The following DRC7 variants were observed in gnomAD, a reference collection of about 807,000 sequenced individuals.
The protein encoded by DRC7 is dynein regulatory complex subunit 7.
DRC7 carries 80 observed loss-of-function variants against 104.4 expected under a neutral mutation model. The ratio of observed to expected loss-of-function variants is 0.77; its 90% CI spans 0.64 to 0.92. DRC7 has a LOEUF of 0.92. Among genes scored for constraint, DRC7 ranks in the 40% least tolerant of loss-of-function variants. The probability of loss-of-function intolerance (pLI) is 0.00; values close to 1 mark genes in which losing one functional copy is unlikely to be tolerated. For synonymous variants in DRC7, 405 were observed against 447.3 expected (o/e 0.91, Z 1.19); for missense variants, 1,034 against 1,141.1 (o/e 0.91, Z 1.35).
Position 57,726,266 on chromosome 16 carries a change from A to T in DRC7, c.1957A>T (p.Met653Leu). ...KGNKIIMTPD[M>L]CISFEVEPME... Reference sequence around the variant, plus strand: ...CAACAAGATCATCATGACGCCCGACATGTGCATCAGCTTCGAGGTGGGCCT... The same window carrying T: ...CAACAAGATCATCATGACGCCCGACTTGTGCATCAGCTTCGAGGTGGGCCT... The change falls in exon 14 of 19, where the codon ATG becomes TTG. Residue 653 changes from methionine to leucine, a missense_variant. Met to Leu is a conservative substitution (Grantham distance 15, BLOSUM62 2). Coordinates refer to ENST00000360716, the MANE Select transcript of DRC7 (RefSeq NM_001289162.2). 1 of 1,611,854 alleles carries T rather than the reference A, an allele frequency of 6.2e-7. No individual in the cohort carries two copies. Among genetic ancestry groups the T allele is most frequent in the Non-Finnish European group, 8.5e-7 (1 of 1,178,990 alleles).
At chr16:57,714,797 G>T in intron 8 of DRC7, 1 of 393,996 alleles carries the variant, frequency 2.5e-6, no homozygotes, top group South Asian at 2.1e-5. Flanking sequence ...AACAGCCATG[G>T]GCTTGCTGGT....
In DRC7 at chr16:57,725,468, T is replaced by A. The variant is rs143491434; in HGVS notation, c.1759-600T>A. The A allele has an allele frequency of 8.5e-3, 1,320 of 156,010 alleles. 29 individuals carry two copies. Among genetic ancestry groups the A allele is most frequent in the African/African-American group, 0.03 (1,228 of 41,572 alleles). 9.7% of individuals were successfully genotyped at this position (156,010 alleles called of 1,614,324 possible). ...GTGCCCTCAGCCATGGGGCCAAGGATGTGTTACTTCCTTATTGTTATACAA... is the reference window on the plus strand; with the variant it reads ...GTGCCCTCAGCCATGGGGCCAAGGAAGTGTTACTTCCTTATTGTTATACAA... On this transcript the variant is annotated intron_variant, in intron 13 of 18. Transcript: ENST00000360716.
chr16:57,718,305 G>A (rs754503347), intron 8 of DRC7, 42 bp from the exon 9 acceptor site: 6 of 1,604,868 alleles, frequency 3.7e-6, no homozygotes, highest in East Asian at 4.5e-5. Context: ...GGGACGTGGT[G>A]GCTGTGGGGT....
In DRC7 at chr16:57,730,907, T is replaced by C. The variant is rs1195256909; in HGVS notation, c.2392-24T>C. 3.1e-6 allele frequency: 5 copies of C among 1,611,508 alleles called. No individual in the cohort carries two copies. In the Admixed American group the frequency reaches 8.4e-5, roughly 27 times the overall value. On this transcript the variant is annotated intron_variant, in intron 17 of 18. Coordinates refer to ENST00000360716, the MANE Select transcript of DRC7 (RefSeq NM_001289162.2). ...GAAGGTCAGCCTTGTCAGTCCTCCT[T>C]CTCTGTCTGCCCTATGACCACAGGA...
intron 2 of DRC7, among the ~76,000 whole-genome samples, chr16:57,697,630 G>A (rs942804414): frequency 3.3e-5 from 5 of 152,120 alleles, no homozygotes; most frequent in Admixed American, 3.3e-4. Flanking sequence ...AAATCGACAC[G>A]TGCCTTTCCC....
intron 8 of DRC7, among the ~76,000 whole-genome samples, chr16:57,713,213 G>A (rs1447619612): frequency 6.6e-6 from 1 of 152,234 alleles, no homozygotes; most frequent in Non-Finnish European, 1.5e-5. Flanking sequence ...GTATTTTGCT[G>A]TTGGGTGGAA....
chr16:57,717,143 G>A (rs2048851362), intron 8 of DRC7, among the ~76,000 whole-genome samples: 2 of 151,346 alleles, frequency 1.3e-5, no homozygotes, highest in South Asian at 2.1e-4. Context: ...GGGCAACAGA[G>A]GGAGACCCTG....
At chr16:57,703,200 CAA>C (rs71152293) in intron 6 of DRC7, among the ~76,000 whole-genome samples, 173 of 62,908 alleles carry the variant, frequency 2.8e-3, no homozygotes, top group Middle Eastern at 0.022. Flanking sequence ...TTTTTAATAG[CAA>C]AAAAAAAAAA....
At chr16:57,720,935 T>C (rs1331860891) in intron 9 of DRC7, among the ~76,000 whole-genome samples, 2 of 152,258 alleles carry the variant, frequency 1.3e-5, no homozygotes, top group Non-Finnish European at 2.9e-5. Flanking sequence ...TGGTGGCTCA[T>C]GCCTGTAATC....
chr16:57,723,940 A>T (rs1311483494), intron 12 of DRC7, among the ~76,000 whole-genome samples: 6 of 152,184 alleles, frequency 3.9e-5, no homozygotes, highest in African/African-American at 7.2e-5. Flanking sequence ...TATGGGAGCA[A>T]CAGTCACTCT....
chr16:57,706,207 C>T lies in DRC7; in HGVS notation c.858+1173C>T, dbSNP rs577771777. Among the ~76,000 whole-genome samples, 444 of 131,214 alleles carry T rather than the reference C, an allele frequency of 3.4e-3. 2 individuals carry two copies. The highest frequency in any genetic ancestry group is 0.01 in the African/African-American group (358 of 34,746). 86.1% of individuals were successfully genotyped at this position (131,214 alleles called of 152,430 possible). On this transcript the variant is annotated intron_variant, in intron 7 of 18. Coordinates refer to ENST00000360716, the MANE Select transcript of DRC7 (RefSeq NM_001289162.2). ...TCTCATCCATCTATCCTCCCATCCA[C>T]CCATCCTCCCATCCATCCATCCTCC...
chr16:57,716,380 G>C (rs531770481), intron 8 of DRC7, among the ~76,000 whole-genome samples: 43 of 151,714 alleles, frequency 2.8e-4, no homozygotes, highest in Non-Finnish European at 5.2e-4. Flanking sequence ...GCGGGCACCT[G>C]TAATCCCAGC....
chr16:57,698,979 C>G lies in DRC7; in HGVS notation c.333C>G (p.Asp111Glu). Residue 111 changes from aspartate (D) to glutamate (E), a missense_variant, in exon 4 of 19, where the codon GAC becomes GAG. Physicochemically the swap from Asp to Glu is conservative, Grantham distance 45. Transcript: ENST00000360716. ...GCCAGTACAGCCATCTGTGCCCGGA[C>G]CGCGTGCCCCTCTTCCTGCACCCCC... ...FSRQYSHLCPDRVPLFLHPLN... is the reference protein window; with the variant it reads ...FSRQYSHLCPERVPLFLHPLN... The G allele has an allele frequency of 6.2e-7, 1 of 1,614,230 alleles. No homozygotes were observed. Among genetic ancestry groups the G allele is most frequent in the Non-Finnish European group, 8.5e-7 (1 of 1,180,034 alleles).
intron 5 of DRC7, chr16:57,701,715 T>A: frequency 1.8e-6 from 1 of 554,458 alleles, no homozygotes; most frequent in Non-Finnish European, 3.2e-6. Flanking sequence ...AGGAAGTCCA[T>A]AGCCCCTTCA....
chr16:57,708,659 G>A (rs1339038153), intron 8 of DRC7, among the ~76,000 whole-genome samples: 2 of 152,184 alleles, frequency 1.3e-5, no homozygotes, highest in Non-Finnish European at 2.9e-5. Context: ...CACATACTCA[G>A]TTTTAGTAGA....
Position 57,714,646 on chromosome 16 carries a change from A to ACACACACACG in DRC7, c.1078-3697_1078-3696insCACACGCACA, listed in dbSNP as rs1370726037. The stretch of plus-strand genomic sequence containing the variant: ...CTCTCTCTCTCTGTCACACACACAC[A>ACACACACACG]CACATACATATGCACTGGACAGTGA... On this transcript the variant is annotated intron_variant, in intron 8 of 18. Transcript: ENST00000360716. 4.2e-5 allele frequency: 8 copies of ACACACACACG among 189,238 alleles called. No individual in the cohort carries two copies. In the East Asian group the frequency reaches 1.4e-3, roughly 32 times the overall value. 11.7% of individuals were successfully genotyped at this position (189,238 alleles called of 1,614,324 possible). A position where few individuals can be genotyped will look rare whatever the true frequency, so the allele number is the denominator to read the frequency against.
intron 13 of DRC7, 23 bp downstream of exon 13, chr16:57,724,858 G>A (rs1398272769): frequency 1.3e-6 from 2 of 1,586,682 alleles, no homozygotes; most frequent in South Asian, 2.2e-5. Flanking sequence ...GGGGGCTGGG[G>A]ACAGGTCGCC....
In DRC7 at chr16:57,730,993, C is replaced by G. The variant is rs773067759; in HGVS notation, c.2454C>G (p.Pro818=). 6.2e-7 allele frequency: 1 copy of G among 1,613,552 alleles called. No individual in the cohort carries two copies. The highest frequency in any genetic ancestry group is 2.2e-5 in the East Asian group (1 of 44,876). The change falls in exon 18 of 19, where the codon CCC becomes CCG. Residue 818 remains proline, a synonymous_variant. Transcript: ENST00000360716. ...AGGAGAACCAGGTGACGCTGACACC[C>G]GAGGATGAAGACCTGTACCTGAGTT... The part of the protein sequence containing the change: ...WYQENQVTLT[P]EDEDLYLSYC...
chr16:57,699,763 T>C (rs2048637487), intron 4 of DRC7, among the ~76,000 whole-genome samples: 1 of 152,124 alleles, frequency 6.6e-6, no homozygotes, highest in African/African-American at 2.4e-5. Flanking sequence ...CATTCAGCCC[T>C]GACTTGCTGG....
Sources: allele counts gnomAD v4.1 joint callset (sites outside exome capture counted in the v4.1 genomes callset), GRCh38; gene constraint gnomAD v4.1.1; transcripts MANE v1.5; gene names NCBI Gene and HGNC (gene_info 2026-07-23, HGNC 2026-07-21).